Variants in MAPKAP1 observed in about 807,000 individuals in gnomAD.
MAPKAP1 encodes the protein target of rapamycin complex 2 subunit MAPKAP1.
MAPKAP1 carries 20 observed loss-of-function variants against 65.7 expected under a neutral mutation model. That is an observed-to-expected ratio of 0.30 (90% CI 0.21 to 0.44). The LOEUF is 0.44. MAPKAP1 is among the 20% of genes least tolerant of loss of function. The pLI is 1.00. For synonymous variants in MAPKAP1, 222 were observed against 244.3 expected, an observed-to-expected ratio of 0.91 and a Z score of 0.85; for missense variants, 423 against 648.0, an observed-to-expected ratio of 0.65 and a Z score of 3.77.
intron 3 of MAPKAP1, 126 bp from the exon 4 acceptor site, chr9:125,657,925 T>C: frequency 1.2e-6 from 1 of 853,156 alleles, no homozygotes. Context: ...GTCGGATACA[T>C]GCAGAAAGCC....
intron 7 of MAPKAP1, among the ~76,000 whole-genome samples, chr9:125,531,681 T>C (rs1305441905): frequency 6.6e-6 from 1 of 152,218 alleles, no homozygotes; most frequent in Non-Finnish European, 1.5e-5. Context: ...TATGAGTATT[T>C]TTAAACCACA....
intron 4 of MAPKAP1, among the ~76,000 whole-genome samples, chr9:125,631,179 C>G (rs566785198): frequency 6.6e-6 from 1 of 152,246 alleles, no homozygotes; most frequent in Admixed American, 6.5e-5. Context: ...AGCTCCCCAT[C>G]TGCCTTCCTT....
intron 5 of MAPKAP1, among the ~76,000 whole-genome samples, chr9:125,571,304 CTT>C (rs1229275984): frequency 6.6e-6 from 1 of 152,122 alleles, no homozygotes; most frequent in Non-Finnish European, 1.5e-5. Context: ...TGTCCTAAAA[CTT>C]TTTATCATCT....
chr9:125,526,810 C>G (rs1481644394), intron 7 of MAPKAP1, among the ~76,000 whole-genome samples: 4 of 147,072 alleles, frequency 2.7e-5, no homozygotes, highest in Non-Finnish European at 6.0e-5. Context: ...GAGTCTTGCT[C>G]TGTCACCCAA....
Position 125,595,622 on chromosome 9 carries a change from G to A in MAPKAP1, c.499-9895C>T. On this transcript the variant is annotated intron_variant, in intron 4 of 11. Transcript: ENST00000265960. This position sits in a 1 kb window ranked among gnomAD's most constrained non-coding sequence, Gnocchi z 4.0. ...TTTGTCAGCTTACTCCTTTCTGCCT[G>A]TGGACACGCCAAGGAAGCATCGTTA... 2 of 1,408,310 alleles carry A rather than the reference G, an allele frequency of 1.4e-6. No individual in the cohort carries two copies. The highest frequency in any genetic ancestry group is 1.8e-6 in the Non-Finnish European group (2 of 1,081,840). The allele number at this position is 1,408,310 out of a possible 1,614,324, so 87.2% of individuals were successfully genotyped here.
At chr9:125,694,727 T>G (rs1039059348) in intron 1 of MAPKAP1, among the ~76,000 whole-genome samples, 1 of 152,028 alleles carries the variant, frequency 6.6e-6, no homozygotes, top group African/African-American at 2.4e-5. Flanking sequence ...GCAAAGACTG[T>G]GGGAAGGGAA....
intron 7 of MAPKAP1, among the ~76,000 whole-genome samples, chr9:125,541,430 C>T (rs1830245090): frequency 6.6e-6 from 1 of 152,050 alleles, no homozygotes; most frequent in Non-Finnish European, 1.5e-5. Flanking sequence ...CAGAATAAGG[C>T]CTTCTTAGAA....
chr9:125,595,888 A>C lies in MAPKAP1; in HGVS notation c.499-10161T>G. ...AGGAGGTGGATGCAGCCATGAATGC[A>C]AGGCCACACAAGGTGGATCGGAGTT... On this transcript the variant is annotated intron_variant, in intron 4 of 11. Coordinates refer to ENST00000265960, the MANE Select transcript of MAPKAP1 (RefSeq NM_001006617.3). The surrounding 1 kb of genome is among the most constrained non-coding windows in gnomAD (Gnocchi z 4.0). 8.4e-7 allele frequency: 1 copy of C among 1,184,546 alleles called. No individual in the cohort carries two copies. Among genetic ancestry groups the C allele is most frequent in the Non-Finnish European group, 1.2e-6 (1 of 803,306 alleles). 73.4% of individuals were successfully genotyped at this position (1,184,546 alleles called of 1,614,324 possible).
At chr9:125,532,816 G>T (rs757706968) in intron 7 of MAPKAP1, among the ~76,000 whole-genome samples, 41 of 152,186 alleles carry the variant, frequency 2.7e-4, no homozygotes, top group Non-Finnish European at 5.3e-4. Flanking sequence ...TCCAGATTAT[G>T]ATGCATTTTC....
intron 10 of MAPKAP1, among the ~76,000 whole-genome samples, chr9:125,453,145 C>T (rs1038512160): frequency 2.0e-5 from 3 of 152,218 alleles, no homozygotes; most frequent in Admixed American, 6.5e-5. Context: ...GCAACCTCCA[C>T]CTCCTGGGTT....
At chr9:125,654,988 G>T (rs1833990159) in intron 4 of MAPKAP1, among the ~76,000 whole-genome samples, 1 of 152,014 alleles carries the variant, frequency 6.6e-6, no homozygotes, top group Non-Finnish European at 1.5e-5. Context: ...TTGCCCAAGA[G>T]ACCTAAGCAA....
intron 1 of MAPKAP1, among the ~76,000 whole-genome samples, chr9:125,675,821 T>C (rs887621880): frequency 3.3e-5 from 5 of 152,228 alleles, no homozygotes; most frequent in African/African-American, 1.2e-4. Context: ...TATATGAATG[T>C]GCCAGGTGTA....
At position 125,438,244 on chromosome 9, in the gene MAPKAP1, C is replaced by T. The variant is rs1311382845; in HGVS notation, c.*643G>A. 2.5e-6 allele frequency: 1 copy of T among 396,618 alleles called. No homozygotes were observed. The highest frequency in any genetic ancestry group is 4.4e-6 in the Non-Finnish European group (1 of 225,278). 24.6% of individuals were successfully genotyped at this position (396,618 alleles called of 1,614,324 possible). On this transcript the variant is annotated 3_prime_UTR_variant, in exon 12 of 12. Coordinates refer to ENST00000265960, the MANE Select transcript of MAPKAP1 (RefSeq NM_001006617.3). ...GGGGAAAGTGACACGGCCTTGGACA[C>T]ACCACTAGGTCTCTGTTCCTAACTT...
chr9:125,641,396 C>G (rs866948010), intron 4 of MAPKAP1, among the ~76,000 whole-genome samples: 1 of 152,078 alleles, frequency 6.6e-6, no homozygotes, highest in African/African-American at 2.4e-5. Context: ...TCAGCACTCA[C>G]AGATTCTGAC....
At chr9:125,648,182 GA>G (rs1833785850) in intron 4 of MAPKAP1, among the ~76,000 whole-genome samples, 1 of 152,284 alleles carries the variant, frequency 6.6e-6, no homozygotes, top group African/African-American at 2.4e-5. Context: ...AAAAGGAGCT[GA>G]ATACCAGCTC....
chr9:125,688,756 G>A (rs2131840984), intron 1 of MAPKAP1, among the ~76,000 whole-genome samples: 2 of 152,124 alleles, frequency 1.3e-5, no homozygotes, highest in South Asian at 4.2e-4. Flanking sequence ...CAAAATAAAG[G>A]CACTTTTGCC....
intron 4 of MAPKAP1, among the ~76,000 whole-genome samples, chr9:125,587,689 T>C (rs998921482): frequency 3.9e-5 from 6 of 152,216 alleles, no homozygotes; most frequent in African/African-American, 1.4e-4. Flanking sequence ...AAGGCTCTAC[T>C]ATCTAGAATA....
At chr9:125,678,687 A>C (rs1272008735) in intron 1 of MAPKAP1, among the ~76,000 whole-genome samples, 1 of 152,234 alleles carries the variant, frequency 6.6e-6, no homozygotes, top group African/African-American at 2.4e-5. Flanking sequence ...ACCCATCTGT[A>C]TTCATTAATG....
chr9:125,480,845 G>A (rs536920319), intron 9 of MAPKAP1, among the ~76,000 whole-genome samples: 30 of 151,850 alleles, frequency 2.0e-4, no homozygotes, highest in Non-Finnish European at 2.9e-4. Context: ...GGTGGCAGGC[G>A]CCTGTAGTCC....
Sources: allele counts gnomAD v4.1 joint callset (sites outside exome capture counted in the v4.1 genomes callset), GRCh38; gene constraint gnomAD v4.1.1; non-coding constraint Gnocchi (gnomAD v3.1); transcripts MANE v1.5; gene names NCBI Gene and HGNC (gene_info 2026-07-23, HGNC 2026-07-21).